Variants in RPN2 observed in about 807,000 individuals in gnomAD.
RPN2 encodes the protein dolichyl-diphosphooligosaccharide--protein glycosyltransferase subunit 2.
Under a neutral mutation model 71.4 loss-of-function variants are expected in RPN2, and 29 were observed. The observed-to-expected ratio is 0.41, with a 90% CI of 0.30 to 0.55. The LOEUF is 0.55. Ranked by LOEUF, RPN2 falls within the 20% of genes least tolerant of loss-of-function variation. The probability of loss-of-function intolerance (pLI) is 0.35; values close to 1 mark genes in which losing one functional copy is unlikely to be tolerated. For missense variants in RPN2, 726 were observed against 774.1 expected (o/e 0.94, Z 0.74); for synonymous variants, 308 against 305.0 (o/e 1.01, Z -0.10).
At chr20:37,200,310 T>G in intron 4 of RPN2, 1 of 316,800 alleles carries the variant, frequency 3.2e-6, no homozygotes, top group Middle Eastern at 8.5e-4. Context: ...TTTTTTAGTT[T>G]TTAGTGGAGA....
At position 37,188,459 on chromosome 20, in the gene RPN2, C is replaced by T. The variant is rs914983209; in HGVS notation, c.207+4086C>T. Among the ~76,000 whole-genome samples the T allele has an allele frequency of 4.6e-5, 7 of 151,730 alleles. No individual in the cohort carries two copies. The South Asian group carries it at 1.0e-3, about 23-fold the overall frequency. On this transcript the variant is annotated intron_variant, in intron 2 of 16. Coordinates refer to ENST00000237530, the MANE Select transcript of RPN2 (RefSeq NM_002951.5). ...TGAGCCACCGCGCCCGGCCCATTGT[C>T]GTACTTTTTAACCTTCTTTCAAGGA...
chr20:37,200,740 T>C (rs745912922), intron 4 of RPN2, among the ~76,000 whole-genome samples: 12 of 152,168 alleles, frequency 7.9e-5, no homozygotes, highest in Non-Finnish European at 1.3e-4. Flanking sequence ...TTGGCCCTTT[T>C]GGGCCTTTGA....
intron 10 of RPN2, among the ~76,000 whole-genome samples, 176 bp downstream of exon 10, chr20:37,224,145 T>G (rs1191720956): frequency 6.6e-6 from 1 of 152,224 alleles, no homozygotes; most frequent in Non-Finnish European, 1.5e-5. Context: ...GCGAATTATC[T>G]AAGTGGATTT....
chr20:37,240,502 C>T (rs2068522592), intron 16 of RPN2, among the ~76,000 whole-genome samples: 1 of 152,174 alleles, frequency 6.6e-6, no homozygotes, highest in South Asian at 2.1e-4. Flanking sequence ...CCTTAGTCCT[C>T]ACCCCTGGGA....
chr20:37,181,260 ACT>A (rs2066868460), intron 1 of RPN2, among the ~76,000 whole-genome samples: 1 of 150,508 alleles, frequency 6.6e-6, no homozygotes, highest in South Asian at 2.1e-4. Context: ...AGTGGCTTCC[ACT>A]ACGGTGGTAT....
intron 15 of RPN2, among the ~76,000 whole-genome samples, chr20:37,236,332 C>T (rs1220970455): frequency 2.0e-5 from 3 of 152,192 alleles, no homozygotes; most frequent in African/African-American, 7.2e-5. Flanking sequence ...AGCAATCCTC[C>T]TGCCTCAGCC....
At position 37,184,325 on chromosome 20, in the gene RPN2, C is replaced by T. The variant is rs765451958; in HGVS notation, c.159C>T (p.Tyr53=). 5 of 1,614,212 alleles carry T rather than the reference C, an allele frequency of 3.1e-6. No homozygotes were observed. The highest frequency in any genetic ancestry group is 4.2e-6 in the Non-Finnish European group (5 of 1,180,032). The stretch of plus-strand genomic sequence containing the variant: ...TCACAAATTTGGAATCTGCCTTCTA[C>T]TCCATCGTGGGACTCAGCAGCCTTG... ...RPFTNLESAF[Y]SIVGLSSLGA... is the part of the protein sequence containing the mutation. The change falls in exon 2 of 17, where the codon TAC becomes TAT. Residue 53 remains tyrosine, a synonymous_variant. Coordinates refer to ENST00000237530, the MANE Select transcript of RPN2 (RefSeq NM_002951.5).
At chr20:37,236,532 C>T (rs1249692680) in intron 15 of RPN2, 48 bp from the exon 16 acceptor site, 1 of 1,607,922 alleles carries the variant, frequency 6.2e-7, no homozygotes, top group Non-Finnish European at 8.5e-7. Flanking sequence ...AACCGCAGGG[C>T]ATCATTATGT....
intron 16 of RPN2, among the ~76,000 whole-genome samples, chr20:37,240,217 G>C (rs2068517092): frequency 1.3e-5 from 2 of 152,214 alleles, no homozygotes; most frequent in African/African-American, 4.8e-5. Context: ...ACATTGATTT[G>C]AGCAGACATA....
chr20:37,194,221 G>A (rs2067206607), intron 2 of RPN2, among the ~76,000 whole-genome samples: 1 of 151,600 alleles, frequency 6.6e-6, no homozygotes, highest in Non-Finnish European at 1.5e-5. Context: ...GAAGAGAGAA[G>A]GTGGCACTGG....
In RPN2 at chr20:37,217,638, G is replaced by A. The variant is rs538203525; in HGVS notation, c.1092+3773G>A. ...TGGTTTCCATTTAACATTACTTAGA[G>A]GAAGAAAAGGATAGAGTGGTCTAAA... On this transcript the variant is annotated intron_variant, in intron 9 of 16. Transcript: ENST00000237530. Among the ~76,000 whole-genome samples the A allele has an allele frequency of 5.3e-5, 8 of 152,142 alleles. No individual in the cohort carries two copies. In the East Asian group the frequency reaches 1.4e-3, roughly 26 times the overall value.
At chr20:37,239,471 C>T (rs1442989247) in intron 16 of RPN2, among the ~76,000 whole-genome samples, 1 of 152,182 alleles carries the variant, frequency 6.6e-6, no homozygotes, top group Non-Finnish European at 1.5e-5. Flanking sequence ...TTCTAATCCT[C>T]TGAAAATAGG....
chr20:37,204,506 C>A (rs1250873284), intron 5 of RPN2, among the ~76,000 whole-genome samples: 1 of 152,224 alleles, frequency 6.6e-6, no homozygotes, highest in Admixed American at 6.5e-5. Context: ...TGCCATGACT[C>A]CTGGGCTTGG....
chr20:37,223,901 A>G lies in RPN2; in HGVS notation c.1116A>G (p.Glu372=), dbSNP rs1456207927. ...TVELRVKIST[E]VGITNVDLST... is the part of the protein sequence containing the mutation. The stretch of plus-strand genomic sequence containing the variant: ...AGCTCAGAGTCAAGATCTCCACTGA[A>G]GTTGGCATCACAAATGTTGATCTTT... The change falls in exon 10 of 17, where the codon GAA becomes GAG. Residue 372 remains glutamate (E), a synonymous_variant. Transcript: ENST00000237530. 1 of 1,614,138 alleles carries G rather than the reference A, an allele frequency of 6.2e-7. No homozygotes were observed. The highest frequency in any genetic ancestry group is 1.7e-5 in the Admixed American group (1 of 60,024).
rs771142163 is a variant in RPN2 at position 37,207,314 on chromosome 20, G to C, written c.732G>C (p.Lys244Asn). 6.2e-7 allele frequency: 1 copy of C among 1,614,174 alleles called. No homozygotes were observed. The highest frequency in any genetic ancestry group is 1.1e-5 in the South Asian group (1 of 91,074). ...TGATGAACGCGATCTTCAGCAAGAAGAACTTTGAGTCCCTCTCCGAAGCCT... is the reference window on the plus strand; with the variant it reads ...TGATGAACGCGATCTTCAGCAAGAACAACTTTGAGTCCCTCTCCGAAGCCT... ...IQLMNAIFSKKNFESLSEAFS... is the reference protein window; with the variant it reads ...IQLMNAIFSKNNFESLSEAFS... The change falls in exon 7 of 17, where the codon AAG becomes AAC. Residue 244 changes from lysine (K) to asparagine (N), a missense_variant. Physicochemically the swap from Lys to Asn is moderately conservative, Grantham distance 94. Transcript: ENST00000237530.
chr20:37,198,094 A>G (rs1375896346), intron 2 of RPN2, among the ~76,000 whole-genome samples: 4 of 152,200 alleles, frequency 2.6e-5, no homozygotes, highest in Middle Eastern at 3.2e-3. Flanking sequence ...ATGTTGTTAA[A>G]AGGAAGAGCT....
At chr20:37,188,941 T>C (rs1051062769) in intron 2 of RPN2, among the ~76,000 whole-genome samples, 2 of 150,752 alleles carry the variant, frequency 1.3e-5, no homozygotes, top group African/African-American at 4.9e-5. Context: ...ATGTCTTTTT[T>C]TGTTGTTTGT....
intron 3 of RPN2, 22 bp downstream of exon 3, chr20:37,198,514 G>A (rs762039917): frequency 1.2e-6 from 2 of 1,614,116 alleles, no homozygotes; most frequent in South Asian, 2.2e-5. Flanking sequence ...TTCCTACGCT[G>A]ACAATGACTT....
chr20:37,204,969 T>C, intron 6 of RPN2, 68 bp downstream of exon 6: 1 of 1,607,966 alleles, frequency 6.2e-7, no homozygotes, highest in Non-Finnish European at 8.5e-7. Flanking sequence ...TAAGGATGGC[T>C]TTTATCAGAG....
Sources: gnomAD v4.1 joint callset for allele counts (sites outside exome capture counted in the v4.1 genomes callset) on GRCh38, gnomAD v4.1.1 for gene constraint, MANE v1.5 for transcripts, NCBI Gene and HGNC (gene_info 2026-07-23, HGNC 2026-07-21) for gene names.